ADCY9: variants seen among roughly 807,000 people sequenced by gnomAD.
ADCY9 encodes adenylate cyclase type 9.
In ADCY9, 50 loss-of-function variants were observed where a neutral mutation model predicts 101.5. The observed-to-expected ratio is 0.49, with a 90% confidence interval of 0.39 to 0.62. The LOEUF (loss-of-function observed/expected upper bound fraction) is 0.62. Ranked by LOEUF, ADCY9 falls within the 20% of genes least tolerant of loss-of-function variation. The probability of loss-of-function intolerance (pLI) is 0.00; values close to 1 mark genes in which losing one functional copy is unlikely to be tolerated. For missense variants in ADCY9, 1,662 were observed against 1,800.4 expected (o/e 0.92, Z 1.39); for synonymous variants, 905 against 769.3 (o/e 1.18, Z -2.92).
At chr16:4,107,367 A>T (rs978370513) in intron 2 of ADCY9, among the ~76,000 whole-genome samples, 2 of 152,054 alleles carry the variant, frequency 1.3e-5, no homozygotes, top group African/African-American at 4.8e-5. Flanking sequence ...CCTGGCCTAC[A>T]TGGTGAAACC....
chr16:3,997,246 A>G (rs944250345), intron 3 of ADCY9, among the ~76,000 whole-genome samples: 7 of 152,202 alleles, frequency 4.6e-5, no homozygotes, highest in African/African-American at 1.7e-4. Context: ...TTTTCTAAGC[A>G]TTTAGAGCCA....
chr16:4,027,064 G>A (rs546420639), intron 2 of ADCY9, among the ~76,000 whole-genome samples: 30 of 152,132 alleles, frequency 2.0e-4, no homozygotes, highest in South Asian at 8.3e-4. Flanking sequence ...CTGATTGGTC[G>A]CCTCCTGCAA....
chr16:4,075,916 G>T (rs1456045382), intron 2 of ADCY9, among the ~76,000 whole-genome samples: 1 of 152,200 alleles, frequency 6.6e-6, no homozygotes, highest in Non-Finnish European at 1.5e-5. Flanking sequence ...TTTAAGTCTG[G>T]AAGAGTTCAT....
At chr16:4,011,405 C>T (rs1380540582) in intron 2 of ADCY9, among the ~76,000 whole-genome samples, 1 of 152,126 alleles carries the variant, frequency 6.6e-6, no homozygotes, top group Non-Finnish European at 1.5e-5. Context: ...AGAAGAGCCA[C>T]ATAGGAGGCA....
intron 2 of ADCY9, among the ~76,000 whole-genome samples, chr16:4,035,335 G>A (rs1241461295): frequency 6.6e-6 from 1 of 152,020 alleles, no homozygotes; most frequent in South Asian, 2.1e-4. Context: ...AGAACCACAG[G>A]ACAGCTATTA....
Position 4,115,158 on chromosome 16 carries a change from G to A in ADCY9, c.285C>T (p.Phe95=), listed in dbSNP as rs1482876685. The change falls in exon 2 of 11, where the codon TTC becomes TTT. Residue 95 remains phenylalanine, a synonymous_variant. Transcript: ENST00000294016. This position sits in a 1 kb window ranked among gnomAD's most constrained non-coding sequence, Gnocchi z 6.2. The part of the protein sequence containing the change: ...RASSRWWDPK[F]DSVNLEEACL... ...AGGCCTCCTCCAGGTTCACCGAGTC[G>A]AACTTGGGGTCCCACCAGCGGCTGG... 1.2e-6 allele frequency: 2 copies of A among 1,613,818 alleles called. No homozygotes were observed. Among genetic ancestry groups the A allele is most frequent in the African/African-American group, 1.3e-5 (1 of 75,078 alleles).
At chr16:3,977,803 G>A (rs921680499) in intron 8 of ADCY9, among the ~76,000 whole-genome samples, 173 bp from the exon 9 acceptor site, 5 of 152,076 alleles carry the variant, frequency 3.3e-5, no homozygotes, top group African/African-American at 1.2e-4. Flanking sequence ...TGCAACCTCT[G>A]CCTTCCGGGT....
In ADCY9 at chr16:3,964,427, T is replaced by G. The variant is rs1020138947; in HGVS notation, c.*1348A>C. The G allele has an allele frequency of 3.9e-5, 6 of 152,348 alleles. No homozygotes were observed. The highest frequency in any genetic ancestry group is 1.4e-4 in the African/African-American group (6 of 41,454). 9.4% of individuals were successfully genotyped at this position (152,348 alleles called of 1,614,324 possible). ...TTCCGCCCCTAACAAACCCCGCGTTTGCATCCAGATGCCTCTGTCCCTAGA... is the reference window on the plus strand; with the variant it reads ...TTCCGCCCCTAACAAACCCCGCGTTGGCATCCAGATGCCTCTGTCCCTAGA... On this transcript the variant is annotated 3_prime_UTR_variant, in exon 11 of 11. Coordinates refer to ENST00000294016, the MANE Select transcript of ADCY9 (RefSeq NM_001116.4).
chr16:4,065,781 C>G (rs1333450840), intron 2 of ADCY9, among the ~76,000 whole-genome samples: 1 of 152,214 alleles, frequency 6.6e-6, no homozygotes, highest in Non-Finnish European at 1.5e-5. Flanking sequence ...GTTGGCCAGG[C>G]TGATCTCGAA....
intron 3 of ADCY9, among the ~76,000 whole-genome samples, chr16:3,994,537 C>T (rs969566324): frequency 3.9e-5 from 6 of 152,208 alleles, no homozygotes; most frequent in African/African-American, 1.4e-4. Flanking sequence ...CTCACTGCAA[C>T]GTCCACCTCC....
chr16:4,107,817 T>C (rs911635707), intron 2 of ADCY9, among the ~76,000 whole-genome samples: 11 of 152,190 alleles, frequency 7.2e-5, no homozygotes, highest in African/African-American at 2.6e-4. Flanking sequence ...GACAGGTGTT[T>C]GTTTGCAGAG....
At position 4,049,826 on chromosome 16, in the gene ADCY9, T is replaced by C. The variant is rs1231425123; in HGVS notation, c.1694-42268A>G. Among the ~76,000 whole-genome samples the C allele has an allele frequency of 3.9e-5, 6 of 152,284 alleles. No homozygotes were observed. In the East Asian group the frequency reaches 9.6e-4, roughly 24 times the overall value. ...TTTAGGCTACTGCTATAAAGAACTA[T>C]CCACCAGCCTGGGCAACAAGGTAAG... On this transcript the variant is annotated intron_variant, in intron 2 of 10. Coordinates refer to ENST00000294016, the MANE Select transcript of ADCY9 (RefSeq NM_001116.4).
chr16:4,063,686 T>C (rs1432997032), intron 2 of ADCY9, among the ~76,000 whole-genome samples: 3 of 150,662 alleles, frequency 2.0e-5, no homozygotes, highest in Non-Finnish European at 4.4e-5. Flanking sequence ...CACTCCAGCC[T>C]GGGCCACGGG....
chr16:3,999,844 C>T (rs1411709242), intron 3 of ADCY9, among the ~76,000 whole-genome samples: 1 of 152,180 alleles, frequency 6.6e-6, no homozygotes, highest in East Asian at 1.9e-4. Flanking sequence ...AGGACGTGCA[C>T]CCTACATTCC....
intron 9 of ADCY9, among the ~76,000 whole-genome samples, chr16:3,975,013 C>T (rs889422430): frequency 6.6e-6 from 1 of 152,040 alleles, no homozygotes; most frequent in Non-Finnish European, 1.5e-5. Flanking sequence ...AGTTCTGGGC[C>T]GAGTGGAACT....
At chr16:4,087,500 C>T (rs2056946298) in intron 2 of ADCY9, among the ~76,000 whole-genome samples, 1 of 148,932 alleles carries the variant, frequency 6.7e-6, no homozygotes, top group African/African-American at 2.5e-5. Flanking sequence ...CACATTGCTG[C>T]ACTCCAGCCT....
At chr16:3,994,654 C>T (rs931831827) in intron 3 of ADCY9, among the ~76,000 whole-genome samples, 2 of 152,264 alleles carry the variant, frequency 1.3e-5, no homozygotes, top group East Asian at 1.9e-4. Flanking sequence ...AACGGGGTTT[C>T]GCCATGTTGG....
intron 2 of ADCY9, among the ~76,000 whole-genome samples, chr16:4,101,827 C>T (rs529876684): frequency 6.6e-6 from 1 of 152,278 alleles, no homozygotes; most frequent in South Asian, 2.1e-4. Flanking sequence ...CCTCAACCAT[C>T]GAGGGGCCCA....
intron 2 of ADCY9, among the ~76,000 whole-genome samples, chr16:4,048,062 C>A (rs1019109689): frequency 1.5e-5 from 2 of 131,248 alleles, no homozygotes; most frequent in African/African-American, 5.6e-5. Flanking sequence ...TCACCCTGAA[C>A]AAAACAGGTC....
Sources: gnomAD v4.1 joint callset for allele counts (sites outside exome capture counted in the v4.1 genomes callset) on GRCh38, gnomAD v4.1.1 for gene constraint, Gnocchi (gnomAD v3.1) non-coding constraint, MANE v1.5 for transcripts, NCBI Gene and HGNC (gene_info 2026-07-23, HGNC 2026-07-21) for gene names.